MTA3: variants seen among roughly 807,000 people sequenced by gnomAD.
The protein encoded by MTA3 is metastasis associated 1 family member 3.
Under a neutral mutation model 83.5 loss-of-function variants are expected in MTA3, and 34 were observed. That is an observed-to-expected ratio of 0.41 (90% CI 0.31 to 0.54). The LOEUF is 0.54. Ranked by LOEUF, MTA3 falls within the 20% of genes least tolerant of loss-of-function variation. The pLI is 0.33. For missense variants in MTA3, 761 were observed against 726.4 expected (o/e 1.05, Z -0.55); for synonymous variants, 303 against 252.7 (o/e 1.20, Z -1.89).
At chr2:42,693,105 C>G (rs1693059787) in intron 9 of MTA3, among the ~76,000 whole-genome samples, 1 of 151,710 alleles carries the variant, frequency 6.6e-6, no homozygotes, top group South Asian at 2.1e-4. Flanking sequence ...TCTCCCTCTT[C>G]CCCTCCCCCT....
intron 3 of MTA3, among the ~76,000 whole-genome samples, chr2:42,604,790 C>G (rs796147837): frequency 1.3e-5 from 2 of 148,280 alleles, no homozygotes; most frequent in East Asian, 2.0e-4. Context: ...TGACTCTTAA[C>G]GAGCATGCTG....
rs1262558949 is a variant in MTA3, at chr2:42,648,860, GA to G, written c.499+4620del. ...TTATGAAAACCTTAAATTATTAAAC[GA>G]AAATGACTCTAGGTTCACAAGTTTG... On this transcript the variant is annotated intron_variant, in intron 6 of 16. Coordinates refer to ENST00000405094, the MANE Select transcript of MTA3 (RefSeq NM_001330442.2). 2.6e-5 allele frequency among the ~76,000 whole-genome samples: 4 copies of G among 152,126 alleles called. No homozygotes were observed. The East Asian group carries it at 7.7e-4, about 29-fold the overall frequency.
At chr2:42,494,410 A>G (rs922751691), upstream of MTA3, among the ~76,000 whole-genome samples, 6 of 152,124 alleles carry the variant, frequency 3.9e-5, no homozygotes, top group Non-Finnish European at 7.4e-5. Flanking sequence ...TTTTCCAGAA[A>G]CTGTCCGGAG....
chr2:42,520,947 C>G (rs979965593), intron 2 of MTA3, among the ~76,000 whole-genome samples: 1 of 152,160 alleles, frequency 6.6e-6, no homozygotes, highest in African/African-American at 2.4e-5. Flanking sequence ...ATAAATATCT[C>G]TTTCCTCTCT....
chr2:42,582,573 A>G (rs1432335943), intron 3 of MTA3, among the ~76,000 whole-genome samples: 3 of 152,054 alleles, frequency 2.0e-5, no homozygotes, highest in African/African-American at 7.2e-5. Context: ...GGATTGCTTG[A>G]GGGTAGGAGT....
chr2:42,701,291 CAA>C (rs35602598), intron 11 of MTA3, among the ~76,000 whole-genome samples: 14 of 69,764 alleles, frequency 2.0e-4, no homozygotes, highest in African/African-American at 4.5e-4. Flanking sequence ...GACCCTGCCT[CAA>C]AAAAAAAAAA....
intron 9 of MTA3, among the ~76,000 whole-genome samples, chr2:42,688,047 C>T (rs558481659): frequency 2.0e-5 from 3 of 152,294 alleles, no homozygotes; most frequent in African/African-American, 7.2e-5. Context: ...AGTTTGAATG[C>T]AAATTGATAC....
intron 2 of MTA3, among the ~76,000 whole-genome samples, chr2:42,508,748 T>G (rs1674755625): frequency 6.8e-6 from 1 of 146,794 alleles, no homozygotes; most frequent in African/African-American, 2.5e-5. Context: ...ATTTATAATA[T>G]TATATATTAT....
At chr2:42,597,375 C>CTTTT (rs35943826) in intron 3 of MTA3, among the ~76,000 whole-genome samples, 4 of 108,436 alleles carry the variant, frequency 3.7e-5, no homozygotes, top group Non-Finnish European at 5.4e-5. Flanking sequence ...GACAAGTTAT[C>CTTTT]TTTTTTTTTT....
intron 2 of MTA3, among the ~76,000 whole-genome samples, chr2:42,530,707 C>T (rs183804914): frequency 0.01 from 1,591 of 151,922 alleles, 24 homozygotes; most frequent in African/African-American, 0.037. Context: ...ATCGCTTGAA[C>T]CTGGGAGGCG....
chr2:42,596,247 C>G (rs1681776777), intron 3 of MTA3, among the ~76,000 whole-genome samples: 1 of 152,204 alleles, frequency 6.6e-6, no homozygotes, highest in Admixed American at 6.5e-5. Flanking sequence ...CAGCCTGCTA[C>G]TCTCCTTTTG....
At chr2:42,667,586 G>A (rs976099133) in intron 8 of MTA3, among the ~76,000 whole-genome samples, 2 of 129,934 alleles carry the variant, frequency 1.5e-5, no homozygotes, top group African/African-American at 3.0e-5. Context: ...GTGTGTGTGT[G>A]TGTGTGTGTG....
rs7578494 is a variant in MTA3 at position 42,669,115 on chromosome 2, C to T, written c.702+9253C>T. ...TTTTTTTTTTTTTGGGAGGTAGTCT[C>T]GCTCTGTCACCCAGGCTGGAGTGCA... is the stretch of plus-strand genomic sequence containing the variant. On this transcript the variant is annotated intron_variant, in intron 8 of 16. Coordinates refer to ENST00000405094, the MANE Select transcript of MTA3 (RefSeq NM_001330442.2). Among the ~76,000 whole-genome samples the T allele has an allele frequency of 2.7e-5, 4 of 146,706 alleles. No individual in the cohort carries two copies. The East Asian group carries it at 8.1e-4, about 30-fold the overall frequency.
At chr2:42,690,856 T>TTTTTTTTA (rs1420663050) in intron 9 of MTA3, among the ~76,000 whole-genome samples, 2 of 136,112 alleles carry the variant, frequency 1.5e-5, no homozygotes, top group African/African-American at 2.8e-5. Flanking sequence ...TGTATTTTTA[T>TTTTTTTTA]TTTATTTATT....
At position 42,709,103 on chromosome 2, in the gene MTA3, T is replaced by C. The variant is rs1439127230; in HGVS notation, c.1525+7T>C. ...GCTGCCATTAGGGCAGAATGTAAGA[T>C]GCTTTTAAATTCTTAACCTTATATG... On this transcript the variant is annotated splice_region_variant and intron_variant, in intron 14 of 16. Coordinates refer to ENST00000405094, the MANE Select transcript of MTA3 (RefSeq NM_001330442.2). 6.3e-7 allele frequency: 1 copy of C among 1,579,404 alleles called. No homozygotes were observed. Among genetic ancestry groups the C allele is most frequent in the Non-Finnish European group, 8.6e-7 (1 of 1,162,174 alleles).
At chr2:42,588,921 C>T (rs951184210) in intron 3 of MTA3, among the ~76,000 whole-genome samples, 13 of 152,034 alleles carry the variant, frequency 8.6e-5, no homozygotes, top group Admixed American at 6.6e-4. Flanking sequence ...AGTCTGAAAT[C>T]CACAGGGAGG....
At chr2:42,567,509 C>G (rs1677970402), upstream of MTA3, among the ~76,000 whole-genome samples, 1 of 152,166 alleles carries the variant, frequency 6.6e-6, no homozygotes, top group Non-Finnish European at 1.5e-5. Context: ...CCACACATTC[C>G]AAACAAGCCA....
chr2:42,526,944 C>T (rs563068729), intron 2 of MTA3, among the ~76,000 whole-genome samples: 1 of 149,976 alleles, frequency 6.7e-6, no homozygotes, highest in African/African-American at 2.5e-5. Flanking sequence ...GTCCCAGCTA[C>T]TCGAGAAGCT....
chr2:42,499,462 G>A (rs888701856), intron 2 of MTA3, among the ~76,000 whole-genome samples: 3 of 149,854 alleles, frequency 2.0e-5, no homozygotes, highest in South Asian at 2.2e-4. Context: ...CACCACGCCC[G>A]GCGAGGGTAG....
Sources: gnomAD v4.1 joint callset for allele counts (sites outside exome capture counted in the v4.1 genomes callset) on GRCh38, gnomAD v4.1.1 for gene constraint, MANE v1.5 for transcripts, NCBI Gene and HGNC (gene_info 2026-07-23, HGNC 2026-07-21) for gene names.